GPC6: variants seen among roughly 807,000 people sequenced by gnomAD.
GPC6 encodes the protein glypican-6.
A neutral mutation model predicts 55.2 loss-of-function variants in GPC6; 14 were observed. That is an observed-to-expected ratio of 0.25 (90% CI 0.17 to 0.40). GPC6 has a LOEUF of 0.40. GPC6 is among the 10% of genes least tolerant of loss of function. The pLI is 1.00. For missense variants in GPC6, 641 were observed against 708.5 expected (o/e 0.90, Z 1.08); for synonymous variants, 278 against 259.6 (o/e 1.07, Z -0.68).
intron 4 of GPC6, among the ~76,000 whole-genome samples, chr13:94,240,349 G>A (rs765489523): frequency 1.3e-5 from 2 of 152,042 alleles, no homozygotes; most frequent in African/African-American, 4.8e-5. Context: ...CAATTTTATG[G>A]AACTTGGCAT....
chr13:93,996,124 T>G (rs1335144224), intron 3 of GPC6, among the ~76,000 whole-genome samples: 1 of 152,222 alleles, frequency 6.6e-6, no homozygotes, highest in Non-Finnish European at 1.5e-5. Flanking sequence ...ATCTGACACC[T>G]TTCCACAATC....
chr13:93,824,643 G>T (rs573744246), intron 2 of GPC6, among the ~76,000 whole-genome samples: 1 of 152,048 alleles, frequency 6.6e-6, no homozygotes, highest in East Asian at 1.9e-4. Context: ...ACATGAACTT[G>T]GAGCATGGGG....
intron 3 of GPC6, among the ~76,000 whole-genome samples, chr13:93,901,895 C>T (rs1384015144): frequency 8.2e-6 from 1 of 121,700 alleles, no homozygotes; most frequent in Non-Finnish European, 1.7e-5. Context: ...AGTGAGATTC[C>T]ATTAAAAAAA....
At chr13:94,083,213 G>T (rs1885163754) in intron 4 of GPC6, among the ~76,000 whole-genome samples, 1 of 152,110 alleles carries the variant, frequency 6.6e-6, no homozygotes, top group Non-Finnish European at 1.5e-5. Flanking sequence ...CTGCCTCCCT[G>T]GTACTTGCCA....
intron 3 of GPC6, among the ~76,000 whole-genome samples, chr13:93,950,254 C>G (rs992824036): frequency 6.6e-6 from 1 of 152,036 alleles, no homozygotes; most frequent in African/African-American, 2.4e-5. Flanking sequence ...AGAACAACAA[C>G]AAACAGGAAA....
At chr13:94,336,995 GGT>G in intron 6 of GPC6, among the ~76,000 whole-genome samples, 1 of 152,274 alleles carries the variant, frequency 6.6e-6, no homozygotes, top group Middle Eastern at 3.4e-3. Flanking sequence ...CCTTCTAACT[GGT>G]GGGTTAAATG....
intron 2 of GPC6, among the ~76,000 whole-genome samples, chr13:93,688,499 A>G (rs1882132936): frequency 6.6e-6 from 1 of 152,120 alleles, no homozygotes; most frequent in Admixed American, 6.6e-5. Context: ...TTCACAAGAG[A>G]CAGAAGGTCG....
intron 1 of GPC6, among the ~76,000 whole-genome samples, chr13:93,309,114 C>A (rs1056614115): frequency 3.3e-5 from 5 of 152,084 alleles, no homozygotes; most frequent in African/African-American, 1.2e-4. Context: ...GTCAAAGAGA[C>A]CTTTATTTCT....
chr13:93,373,188 A>AT (rs1451563780), intron 1 of GPC6, among the ~76,000 whole-genome samples: 1 of 152,096 alleles, frequency 6.6e-6, no homozygotes, highest in African/African-American at 2.4e-5. Context: ...ACCAGAGGAG[A>AT]TTTTTGGGGT....
At chr13:93,337,629 TA>T (rs1182594456) in intron 1 of GPC6, among the ~76,000 whole-genome samples, 7 of 152,186 alleles carry the variant, frequency 4.6e-5, no homozygotes, top group African/African-American at 1.2e-4. Context: ...TGCTCTTAAC[TA>T]AAACTAATGC....
At chr13:93,283,767 T>C (rs967459815) in intron 1 of GPC6, among the ~76,000 whole-genome samples, 1 of 152,220 alleles carries the variant, frequency 6.6e-6, no homozygotes, top group Non-Finnish European at 1.5e-5. Context: ...ATATATGTTT[T>C]CATATATTTG....
chr13:93,678,155 T>C (rs1881716686), intron 2 of GPC6, among the ~76,000 whole-genome samples: 2 of 152,052 alleles, frequency 1.3e-5, no homozygotes, highest in Non-Finnish European at 2.9e-5. Flanking sequence ...ACCATTTTTT[T>C]TCCTGTTTTA....
At chr13:94,277,780 A>G (rs1259991681) in intron 4 of GPC6, among the ~76,000 whole-genome samples, 2 of 151,966 alleles carry the variant, frequency 1.3e-5, no homozygotes, top group East Asian at 1.9e-4. Flanking sequence ...GTTCTGTTCC[A>G]TTGGTCTATA....
At chr13:94,277,087 C>T (rs1566625229) in intron 4 of GPC6, among the ~76,000 whole-genome samples, 1 of 152,340 alleles carries the variant, frequency 6.6e-6, no homozygotes, top group African/African-American at 2.4e-5. Context: ...CCCACAGCCT[C>T]GCCAGCATCT....
At chr13:93,408,758 A>G (rs748996698) in intron 1 of GPC6, among the ~76,000 whole-genome samples, 2 of 152,052 alleles carry the variant, frequency 1.3e-5, no homozygotes, top group African/African-American at 2.4e-5. Flanking sequence ...TAAGAGAGGG[A>G]GTAAGTTATT....
chr13:93,593,048 T>G (rs1449538158), intron 2 of GPC6, among the ~76,000 whole-genome samples: 2 of 152,110 alleles, frequency 1.3e-5, no homozygotes, highest in African/African-American at 4.8e-5. Flanking sequence ...TGGTTCTTAG[T>G]TTATAAAATA....
intron 4 of GPC6, among the ~76,000 whole-genome samples, chr13:94,139,905 A>G (rs755617684): frequency 5.9e-5 from 9 of 152,164 alleles, no homozygotes; most frequent in Non-Finnish European, 8.8e-5. Flanking sequence ...ATTGACACAT[A>G]GTAAGAGCTA....
chr13:93,610,320 A>AT (rs1040914073), intron 2 of GPC6, among the ~76,000 whole-genome samples: 4 of 152,166 alleles, frequency 2.6e-5, no homozygotes, highest in Non-Finnish European at 5.9e-5. Flanking sequence ...TATTTCTAGC[A>AT]TTTTTTGCCA....
At chr13:93,273,618 A>G (rs1337708423) in intron 1 of GPC6, among the ~76,000 whole-genome samples, 2 of 151,980 alleles carry the variant, frequency 1.3e-5, no homozygotes, top group Non-Finnish European at 2.9e-5. Flanking sequence ...AGATTGCGCC[A>G]CTGCACTCCA....
Sources: gnomAD v4.1 joint callset for allele counts (sites outside exome capture counted in the v4.1 genomes callset) on GRCh38, gnomAD v4.1.1 for gene constraint, MANE v1.5 for transcripts, NCBI Gene and HGNC (gene_info 2026-07-23, HGNC 2026-07-21) for gene names.